The following MPHOSPH9 variants were observed in gnomAD, a reference collection of about 807,000 sequenced individuals.
The protein encoded by MPHOSPH9 is M-phase phosphoprotein 9.
A neutral mutation model predicts 145.5 loss-of-function variants in MPHOSPH9; 88 were observed. The observed-to-expected ratio is 0.60, with a 90% confidence interval of 0.51 to 0.72. The LOEUF is 0.72. Ranked by LOEUF, MPHOSPH9 falls within the 30% of genes least tolerant of loss-of-function variation. The pLI is 0.00. For missense variants in MPHOSPH9, 1,238 were observed against 1,386.6 expected (o/e 0.89, Z 1.70); for synonymous variants, 435 against 486.2 (o/e 0.89, Z 1.39).
At position 123,163,997 on chromosome 12, in the gene MPHOSPH9, T is replaced by A. The variant is rs1273735113; in HGVS notation, c.2861A>T (p.Gln954Leu). The stretch of plus-strand genomic sequence containing the variant: ...TGAAGGTGGTAAAGATGATGATCTC[T>A]GTGAGGCCGAATTAAGTCTCTTTTG... ...QRQKRLNSAS[Q>L]RSSSLPPSNR... The change falls in exon 19 of 24, where the codon CAG becomes CTG. Residue 954 changes from glutamine to leucine, a missense_variant. Physicochemically the swap from Gln to Leu is moderately radical, Grantham distance 113. Around this residue, in one of 3 missense-constraint regions of MPHOSPH9, gnomAD observed 393 missense variants for 462.5 expected, o/e 0.85. Coordinates refer to ENST00000606320, the MANE Select transcript of MPHOSPH9 (RefSeq NM_022782.4). The A allele has an allele frequency of 6.2e-7, 1 of 1,614,188 alleles. No individual in the cohort carries two copies. The highest frequency in any genetic ancestry group is 1.7e-5 in the Admixed American group (1 of 60,030).
chr12:123,176,029 G>A (rs771041897), intron 16 of MPHOSPH9, among the ~76,000 whole-genome samples: 14 of 151,814 alleles, frequency 9.2e-5, no homozygotes, highest in African/African-American at 1.5e-4. Context: ...CACTGTGCCC[G>A]GCCCTAGAAA....
chr12:123,232,186 A>G (rs1034060123), intron 1 of MPHOSPH9, among the ~76,000 whole-genome samples: 1 of 151,818 alleles, frequency 6.6e-6, no homozygotes, highest in South Asian at 2.1e-4. Flanking sequence ...GGAAAACACA[A>G]GCTCTCCAGG....
At chr12:123,153,505 G>T (rs1260315), downstream of MPHOSPH9, 5 of 152,032 alleles carry the variant, frequency 3.3e-5, no homozygotes, top group Non-Finnish European at 5.9e-5. Flanking sequence ...AGTGGCTCAC[G>T]CCTGTAATCC....
At chr12:123,182,949 G>A (rs899502503) in intron 13 of MPHOSPH9, among the ~76,000 whole-genome samples, 135 of 136,924 alleles carry the variant, frequency 9.9e-4, no homozygotes, top group African/African-American at 3.2e-3. Flanking sequence ...CGTGGTAGCT[G>A]ACGCCTGTAA....
intron 3 of MPHOSPH9, chr12:123,226,219 A>G (rs2047430827): frequency 3.4e-6 from 2 of 595,062 alleles, no homozygotes; most frequent in Non-Finnish European, 4.3e-6. Context: ...TGAAAACTCA[A>G]TTTTTTAAGC....
intron 3 of MPHOSPH9, among the ~76,000 whole-genome samples, chr12:123,224,352 T>A (rs1022425196): frequency 1.3e-5 from 2 of 151,948 alleles, no homozygotes; most frequent in Non-Finnish European, 2.9e-5. Flanking sequence ...GCCAGGATGG[T>A]CTCAATCTCC....
At chr12:123,187,029 C>T (rs1363584065) in intron 13 of MPHOSPH9, among the ~76,000 whole-genome samples, 20 of 152,154 alleles carry the variant, frequency 1.3e-4, no homozygotes, top group African/African-American at 4.1e-4. Flanking sequence ...GAGGCTGAGG[C>T]GGGCAGATCA....
chr12:123,228,089 TA>T (rs1403497952), intron 2 of MPHOSPH9, among the ~76,000 whole-genome samples: 1 of 152,196 alleles, frequency 6.6e-6, no homozygotes, highest in Admixed American at 6.5e-5. Context: ...TATCTCTGCA[TA>T]AAAGTTGTGC....
intron 8 of MPHOSPH9, 141 bp from the exon 9 acceptor site, chr12:123,203,516 G>T: frequency 1.3e-6 from 1 of 766,486 alleles, no homozygotes. Flanking sequence ...ATACAAGCTT[G>T]GAAGTCATTA....
chr12:123,206,722 G>A (rs929040430), intron 8 of MPHOSPH9, among the ~76,000 whole-genome samples: 1 of 150,588 alleles, frequency 6.6e-6, no homozygotes, highest in Non-Finnish European at 1.5e-5. Context: ...GACCATCTTG[G>A]CCAACATGGT....
rs539003416 is a variant in MPHOSPH9, at chr12:123,220,773, T to C, written c.872+599A>G. On this transcript the variant is annotated intron_variant, in intron 5 of 23. Transcript: ENST00000606320. ...CCCCACCTTTAAGAAAAAAAAATTG[T>C]GGCTGGGCGAGGTGGCTCACACCTG... is the stretch of plus-strand genomic sequence containing the variant. 1.0e-4 allele frequency among the ~76,000 whole-genome samples: 15 copies of C among 150,486 alleles called. No individual in the cohort carries two copies. The South Asian group carries it at 1.1e-3, about 11-fold the overall frequency.
intron 15 of MPHOSPH9, among the ~76,000 whole-genome samples, chr12:123,177,975 T>C (rs187646944): frequency 2.4e-4 from 36 of 152,350 alleles, no homozygotes; most frequent in Admixed American, 6.5e-4. Context: ...ATTTTCAAGT[T>C]TACCAACAGG....
chr12:123,182,401 A>G (rs10846478), intron 13 of MPHOSPH9, among the ~76,000 whole-genome samples: 97,122 of 150,416 alleles, frequency 0.65, 35,857 homozygotes, highest in East Asian at 1. Flanking sequence ...TTACAGGCGT[A>G]TGCCACCATG....
At chr12:123,180,123 A>C in intron 14 of MPHOSPH9, 133 bp from the exon 15 acceptor site, 1 of 507,816 alleles carries the variant, frequency 2.0e-6, no homozygotes, top group Admixed American at 4.4e-5. Flanking sequence ...TATGGCATCA[A>C]CCATACAGCC....
intron 5 of MPHOSPH9, among the ~76,000 whole-genome samples, chr12:123,218,883 T>TTGC (rs60882245): frequency 5.2e-4 from 52 of 99,628 alleles, no homozygotes; most frequent in Admixed American, 1.3e-3. Flanking sequence ...TCAGTTGTTG[T>TTGC]GTGTGTGGTT....
intron 23 of MPHOSPH9, among the ~76,000 whole-genome samples, chr12:123,157,934 TC>T (rs572975550): frequency 1.5e-3 from 227 of 152,196 alleles, no homozygotes; most frequent in Non-Finnish European, 2.4e-3. Context: ...AAAAAACTGT[TC>T]CTCTTTCCTG....
chr12:123,220,295 G>T (rs550267666), intron 5 of MPHOSPH9, among the ~76,000 whole-genome samples: 1 of 151,966 alleles, frequency 6.6e-6, no homozygotes, highest in Non-Finnish European at 1.5e-5. Flanking sequence ...GGCCAGGCAC[G>T]GTGGCTCACA....
chr12:123,242,759 C>T (rs1361510033), intron 1 of MPHOSPH9, among the ~76,000 whole-genome samples: 1 of 152,202 alleles, frequency 6.6e-6, no homozygotes, highest in Non-Finnish European at 1.5e-5. Flanking sequence ...GATAAAAGCA[C>T]TCTCATCTCC....
intron 11 of MPHOSPH9, among the ~76,000 whole-genome samples, chr12:123,199,893 G>A (rs2046143785): frequency 6.6e-6 from 1 of 151,870 alleles, no homozygotes; most frequent in Non-Finnish European, 1.5e-5. Context: ...CACACAGATT[G>A]TAAGCAGTCA....
Sources: gnomAD v4.1 joint callset for allele counts (sites outside exome capture counted in the v4.1 genomes callset) on GRCh38, gnomAD v4.1.1 for gene constraint, gnomAD v4.1.1 regional missense constraint, MANE v1.5 for transcripts, NCBI Gene and HGNC (gene_info 2026-07-23, HGNC 2026-07-21) for gene names.